Variants in MVD observed in about 807,000 individuals in gnomAD.
MVD encodes the protein diphosphomevalonate decarboxylase.
Under a neutral mutation model 42.4 loss-of-function variants are expected in MVD, and 52 were observed. That is an observed-to-expected ratio of 1.23 (90% confidence interval 0.98 to 1.55). The LOEUF is 1.55. MVD is among the 40% of genes most tolerant of loss of function. MVD has a pLI of 0.00. For synonymous variants in MVD, 287 were observed against 243.2 expected, an observed-to-expected ratio of 1.18 and a Z score of -1.68; for missense variants, 663 against 572.1, an observed-to-expected ratio of 1.16 and a Z score of -1.62.
chr16:88,657,598 G>A lies in MVD; in HGVS notation c.257-16C>T, dbSNP rs1400685527. On this transcript the variant is annotated splice_polypyrimidine_tract_variant and intron_variant, in intron 3 of 9. Transcript: ENST00000301012. ...AGGCAGCGGACTGCAGAGACAATGAGACAGCGTGTGGCCCAGCCGTCAGCA... is the reference window on the plus strand; with the variant it reads ...AGGCAGCGGACTGCAGAGACAATGAAACAGCGTGTGGCCCAGCCGTCAGCA... 4 of 1,609,190 alleles carry A rather than the reference G, an allele frequency of 2.5e-6. No individual in the cohort carries two copies. The East Asian group carries it at 8.9e-5, about 36-fold the overall frequency.
At chr16:88,658,119 T>TCTCTCGA in intron 2 of MVD, 90 bp from the exon 3 acceptor site, 1 of 1,329,096 alleles carries the variant, frequency 7.5e-7, no homozygotes, top group South Asian at 1.2e-5. Context: ...GCCTCATGGC[T>TCTCTCGA]GCCCACTCGA....
chr16:88,653,352 G>A lies in MVD; in HGVS notation c.1070C>T (p.Ala357Val), dbSNP rs151006109. The change falls in exon 9 of 10, where the codon GCG (alanine) becomes GTG (valine). Residue 357 changes from alanine to valine, a missense_variant. Coordinates refer to ENST00000301012, the MANE Select transcript of MVD (RefSeq NM_002461.3). Reference protein sequence around the residue: ...PAPLSAELQAALAMEPTPGGV... With the variant: ...PAPLSAELQAVLAMEPTPGGV... The stretch of plus-strand genomic sequence containing the variant: ...ACCGGGGGTCGGCTCCATGGCCAGC[G>A]CAGCCTGAAGCTCAGCTGAGAGAGG... 4.0e-3 allele frequency: 6,457 copies of A among 1,596,464 alleles called. 23 individuals are homozygous for A. Among genetic ancestry groups the A allele is most frequent in the Admixed American group, 5.6e-3 (303 of 53,736 alleles).
intron 5 of MVD, 164 bp downstream of exon 5, chr16:88,655,941 G>T: frequency 8.7e-7 from 1 of 1,150,426 alleles, no homozygotes; most frequent in Non-Finnish European, 1.2e-6. Flanking sequence ...CGCCGCATGG[G>T]AGCGGTTCCT....
At chr16:88,652,670 G>A (rs528860781) in intron 9 of MVD, 65 bp from the exon 10 acceptor site, 6 of 1,447,254 alleles carry the variant, frequency 4.1e-6, no homozygotes, top group Non-Finnish European at 5.7e-6. Flanking sequence ...CCCAGCATCT[G>A]TAGGGCCGGA....
intron 3 of MVD, 42 bp downstream of exon 3, chr16:88,657,873 C>A (rs1229272116): frequency 6.3e-7 from 1 of 1,579,116 alleles, no homozygotes; most frequent in South Asian, 1.1e-5. Flanking sequence ...TCGGACCCTG[C>A]TGACAACAGG....
At chr16:88,657,858 G>T (rs769493424) in intron 3 of MVD, 57 bp downstream of exon 3, 1 of 1,554,778 alleles carries the variant, frequency 6.4e-7, no homozygotes, top group South Asian at 1.1e-5. Flanking sequence ...GCACTTTCTG[G>T]ATGCTCGGAC....
Position 88,655,190 on chromosome 16 carries a change from C to T in MVD, c.897+9G>A, listed in dbSNP as rs1335311205. Reference sequence around the variant, plus strand: ...CGAGCGCAGCCTCTGCCCTCCCGGCCCGCGTCACCTTGGTGTCCCCGTGGT... The same window carrying T: ...CGAGCGCAGCCTCTGCCCTCCCGGCTCGCGTCACCTTGGTGTCCCCGTGGT... On this transcript the variant is annotated intron_variant, in intron 7 of 9. Coordinates refer to ENST00000301012, the MANE Select transcript of MVD (RefSeq NM_002461.3). 1.3e-6 allele frequency: 2 copies of T among 1,554,022 alleles called. No individual in the cohort carries two copies. The highest frequency in any genetic ancestry group is 1.7e-6 in the Non-Finnish European group (2 of 1,148,762).
intron 1 of MVD, chr16:88,662,675 G>A (rs1336720136): frequency 1.5e-6 from 2 of 1,320,968 alleles, no homozygotes; most frequent in Non-Finnish European, 2.0e-6. Flanking sequence ...CCGAGTAGCT[G>A]GAGCCACAAA....
chr16:88,652,293 T>C lies in MVD; in HGVS notation c.*232A>G. 1.7e-6 allele frequency: 1 copy of C among 602,478 alleles called. No individual in the cohort carries two copies. The allele number at this position is 602,478 out of a possible 1,614,324, so 37.3% of individuals were successfully genotyped here. A position where few individuals can be genotyped will look rare whatever the true frequency, so the allele number is the denominator to read the frequency against. ...GTTCTCATACCCCCTCCCCATCCCA[T>C]CTTGGCAAAGCGCTGGTGCAGCTTA... On this transcript the variant is annotated 3_prime_UTR_variant, in exon 10 of 10. Transcript: ENST00000301012.
At chr16:88,652,677 C>A (rs547051447) in intron 9 of MVD, 72 bp from the exon 10 acceptor site, 1 of 1,400,584 alleles carries the variant, frequency 7.1e-7, no homozygotes, top group Non-Finnish European at 9.8e-7. Flanking sequence ...TCTGTAGGGC[C>A]GGACACAGGA....
chr16:88,658,681 G>C lies in MVD; in HGVS notation c.110C>G (p.Ser37Cys). Residue 37 changes from serine to cysteine, a missense_variant, in exon 2 of 10, where the codon TCC becomes TGC. Ser to Cys is a moderately radical substitution (Grantham distance 112). Transcript: ENST00000301012. ...RDEELVLPIN[S>C]SLSVTLHQDQ... is the part of the protein sequence containing the mutation. ...CTGGTGCAGAGTGACGCTCAGGGAG[G>C]AGTTGATGGGCAGAACCAGCTCTTC... is the stretch of plus-strand genomic sequence containing the variant. The C allele has an allele frequency of 6.2e-7, 1 of 1,613,716 alleles. No individual in the cohort carries two copies. Among genetic ancestry groups the C allele is most frequent in the South Asian group, 1.1e-5 (1 of 91,002 alleles).
At chr16:88,659,680 T>C (rs1395117482) in intron 1 of MVD, among the ~76,000 whole-genome samples, 1 of 151,912 alleles carries the variant, frequency 6.6e-6, no homozygotes, top group East Asian at 1.9e-4. Context: ...AGAAACAGAC[T>C]CCTGGCCGGG....
At chr16:88,659,662 A>G (rs1233299748) in intron 1 of MVD, among the ~76,000 whole-genome samples, 1 of 152,102 alleles carries the variant, frequency 6.6e-6, no homozygotes, top group African/African-American at 2.4e-5. Context: ...AGGGCAGCCT[A>G]GCAACACAGA....
At chr16:88,658,153 A>AG (rs1290579392) in intron 2 of MVD, 124 bp from the exon 3 acceptor site, 23 of 909,826 alleles carry the variant, frequency 2.5e-5, no homozygotes, top group South Asian at 1.2e-4. Flanking sequence ...TGCTGAGGGC[A>AG]GGGGGGGAAA....
At position 88,654,799 on chromosome 16, in the gene MVD, G is replaced by C; in HGVS notation, c.906C>G (p.Tyr302Ter). 6.3e-7 allele frequency: 1 copy of C among 1,574,988 alleles called. No individual in the cohort carries two copies. The highest frequency in any genetic ancestry group is 1.2e-5 in the South Asian group (1 of 86,178). Residue 302 changes from tyrosine to a stop codon, truncating the protein, a stop_gained, in exon 8 of 10, where the codon TAC becomes TAG. Coordinates refer to ENST00000301012, the MANE Select transcript of MVD (RefSeq NM_002461.3). LOFTEE classifies it high-confidence loss of function. ...CGGCATTGGGGCCCGCGTCAAAGGTGTACGCCACCTGGAACCCACAGCAGT... is the reference window on the plus strand; with the variant it reads ...CGGCATTGGGGCCCGCGTCAAAGGTCTACGCCACCTGGAACCCACAGCAGT... The part of the protein sequence containing the change: ...NAHHGDTKVA[Y>*]TFDAGPNAVI...
intron 8 of MVD, among the ~76,000 whole-genome samples, chr16:88,653,787 C>G (rs1237886018): frequency 6.6e-6 from 1 of 152,088 alleles, no homozygotes; most frequent in East Asian, 1.9e-4. Context: ...CAAGCTGGTG[C>G]GTTCGTCACC....
chr16:88,657,243 T>C, intron 4 of MVD, 193 bp downstream of exon 4: 1 of 839,782 alleles, frequency 1.2e-6, no homozygotes, highest in Non-Finnish European at 1.9e-6. Context: ...CCACGCCAGC[T>C]GCAACTGGAA....
intron 8 of MVD, 172 bp from the exon 9 acceptor site, chr16:88,653,580 AAAGTT>A (rs1907717953): frequency 7.0e-6 from 4 of 570,550 alleles, no homozygotes; most frequent in Non-Finnish European, 1.2e-5. Context: ...GGGTGATGAA[AAAGTT>A]AAGGAGGTGG....
intron 1 of MVD, among the ~76,000 whole-genome samples, chr16:88,659,694 G>C (rs529566945): frequency 2.0e-5 from 3 of 152,170 alleles, no homozygotes; most frequent in Non-Finnish European, 2.9e-5. Context: ...GGCCGGGCGC[G>C]GTGGCTCACG....
Sources: gnomAD v4.1 joint callset for allele counts (sites outside exome capture counted in the v4.1 genomes callset) on GRCh38, gnomAD v4.1.1 for gene constraint, MANE v1.5 for transcripts, NCBI Gene and HGNC (gene_info 2026-07-23, HGNC 2026-07-21) for gene names.